The following MGAT4A variants were observed in gnomAD, a reference collection of about 807,000 sequenced individuals.
The protein encoded by MGAT4A is N-acetylglucosaminyltransferase IVa.
MGAT4A carries 33 observed loss-of-function variants against 74.1 expected under a neutral mutation model. The ratio of observed to expected loss-of-function variants is 0.45; its 90% CI spans 0.34 to 0.60. The LOEUF (loss-of-function observed/expected upper bound fraction) is 0.60. Among genes scored for constraint, MGAT4A ranks in the 20% least tolerant of loss-of-function variants. The pLI is 0.02. For missense variants in MGAT4A, 479 were observed against 628.3 expected, an observed-to-expected ratio of 0.76 and a Z score of 2.54; for synonymous variants, 198 against 210.4, an observed-to-expected ratio of 0.94 and a Z score of 0.51.
At chr2:98,643,823 T>C in intron 10 of MGAT4A, 100 bp downstream of exon 10, 1 of 1,198,770 alleles carries the variant, frequency 8.3e-7, no homozygotes, top group Non-Finnish European at 1.1e-6. Context: ...AAGTTTTATA[T>C]CACCTACCTA....
Position 98,622,223 on chromosome 2 carries a change from T to C in MGAT4A, c.*3343A>G, listed in dbSNP as rs1202692964. On this transcript the variant is annotated 3_prime_UTR_variant, in exon 16 of 16. Transcript: ENST00000393487. ...ATGAGAATGTATTAATTGTGGTTTC[T>C]AAGCTGTTCATAATTAGCACTCTGG... is the stretch of plus-strand genomic sequence containing the variant. The C allele has an allele frequency of 5.1e-6, 5 of 985,342 alleles. No individual in the cohort carries two copies. Among genetic ancestry groups the C allele is most frequent in the African/African-American group, 1.7e-5 (1 of 57,256 alleles). 61.0% of individuals were successfully genotyped at this position (985,342 alleles called of 1,614,324 possible).
rs866761195 is a variant in MGAT4A, at chr2:98,623,429, G to A, written c.*2137C>T. 12 of 985,270 alleles carry A rather than the reference G, an allele frequency of 1.2e-5. No homozygotes were observed. Among genetic ancestry groups the A allele is most frequent in the Admixed American group, 6.1e-5 (1 of 16,266 alleles). 61.0% of individuals were successfully genotyped at this position (985,270 alleles called of 1,614,324 possible). ...ACCAGGGACCCAAGAGTACTCCTAAGCCCACCTGCAGAGATTTTTACTTCT... is the reference window on the plus strand; with the variant it reads ...ACCAGGGACCCAAGAGTACTCCTAAACCCACCTGCAGAGATTTTTACTTCT... On this transcript the variant is annotated 3_prime_UTR_variant, in exon 16 of 16. Transcript: ENST00000393487.
At chr2:98,642,163 A>G (rs2104238004) in intron 10 of MGAT4A, among the ~76,000 whole-genome samples, 1 of 152,292 alleles carries the variant, frequency 6.6e-6, no homozygotes, top group Non-Finnish European at 1.5e-5. Context: ...GGAAGGAGAA[A>G]GAAAGGGAGG....
At chr2:98,707,961 G>A (rs1182119045) in intron 2 of MGAT4A, among the ~76,000 whole-genome samples, 2 of 152,118 alleles carry the variant, frequency 1.3e-5, no homozygotes, top group Non-Finnish European at 2.9e-5. Flanking sequence ...TTAGAAAATG[G>A]TTTCAAAGTA....
At chr2:98,721,911 TTAAG>T (rs1162713013) in intron 2 of MGAT4A, among the ~76,000 whole-genome samples, 8 of 152,212 alleles carry the variant, frequency 5.3e-5, no homozygotes, top group Admixed American at 1.3e-4. Context: ...AGTAATAGCA[TTAAG>T]TATGTATGCA....
chr2:98,641,078 C>T (rs890950916), intron 10 of MGAT4A, among the ~76,000 whole-genome samples: 7 of 152,156 alleles, frequency 4.6e-5, no homozygotes, highest in African/African-American at 1.7e-4. Context: ...CCAGACGTTC[C>T]ATCTCAACCT....
At chr2:98,646,866 A>G (rs1575248756) in intron 8 of MGAT4A, among the ~76,000 whole-genome samples, 1 of 152,336 alleles carries the variant, frequency 6.6e-6, no homozygotes, top group East Asian at 1.9e-4. Context: ...TTGGGCTTCT[A>G]TTGAGCCCAC....
intron 4 of MGAT4A, among the ~76,000 whole-genome samples, chr2:98,666,708 T>G (rs1192833760): frequency 4.0e-5 from 6 of 151,558 alleles, no homozygotes; most frequent in Admixed American, 2.0e-4. Context: ...AAAAAAAAAT[T>G]ACCAGCGTAA....
At chr2:98,664,026 G>C (rs1701790385) in intron 4 of MGAT4A, among the ~76,000 whole-genome samples, 1 of 151,834 alleles carries the variant, frequency 6.6e-6, no homozygotes. Flanking sequence ...GGCCAACATG[G>C]CGAAACCCGG....
chr2:98,718,495 G>A (rs1559176518), intron 2 of MGAT4A, among the ~76,000 whole-genome samples: 2 of 152,160 alleles, frequency 1.3e-5, no homozygotes, highest in Admixed American at 1.3e-4. Flanking sequence ...CAGTGAGAAA[G>A]CTGAGAGCAC....
chr2:98,716,146 C>T (rs1366106843), intron 2 of MGAT4A, among the ~76,000 whole-genome samples: 1 of 151,960 alleles, frequency 6.6e-6, no homozygotes, highest in Non-Finnish European at 1.5e-5. Context: ...CAGTGAGACC[C>T]TGTCTCTACA....
chr2:98,715,718 T>G lies in MGAT4A; in HGVS notation c.94+10521A>C, dbSNP rs1359233211. ...TAATACCTGGGTGATGAAATAATCT[T>G]TACAACAAACCCCGTAACACAAGTT... On this transcript the variant is annotated intron_variant, in intron 2 of 15. Coordinates refer to ENST00000393487, the MANE Select transcript of MGAT4A (RefSeq NM_012214.3). Among the ~76,000 whole-genome samples the G allele has an allele frequency of 3.3e-5, 5 of 152,262 alleles. No individual in the cohort carries two copies. In the South Asian group the frequency reaches 1.0e-3, roughly 32 times the overall value.
In MGAT4A at chr2:98,621,433, A is replaced by G; in HGVS notation, c.*4133T>C. 6.4e-7 allele frequency: 1 copy of G among 1,551,624 alleles called. No homozygotes were observed. Among genetic ancestry groups the G allele is most frequent in the Non-Finnish European group, 8.7e-7 (1 of 1,146,940 alleles). ...CTTCTCATGCAGCCCCCTCTACCTT[A>G]AAACAGCAATGGTGCCTGAGGTCCT... On this transcript the variant is annotated 3_prime_UTR_variant, in exon 16 of 16. Transcript: ENST00000393487.
At chr2:98,681,261 G>T (rs186994010) in intron 2 of MGAT4A, among the ~76,000 whole-genome samples, 2 of 152,140 alleles carry the variant, frequency 1.3e-5, no homozygotes, top group African/African-American at 4.8e-5. Context: ...GATTACAGAC[G>T]TGAGCCACCG....
chr2:98,653,574 A>G (rs112112884), intron 8 of MGAT4A, among the ~76,000 whole-genome samples: 1,621 of 152,286 alleles, frequency 0.011, 32 homozygotes, highest in Non-Finnish European at 0.013. Context: ...TGGATAATCT[A>G]CAAGAAATGG....
intron 12 of MGAT4A, 83 bp from the exon 13 acceptor site, chr2:98,636,678 A>G: frequency 8.3e-7 from 1 of 1,198,080 alleles, no homozygotes; most frequent in South Asian, 1.3e-5. Context: ...CCTCAGAGTC[A>G]GCTTTTCTAC....
chr2:98,678,182 A>AT (rs1211332613), intron 3 of MGAT4A, 122 bp downstream of exon 3: 1 of 196,122 alleles, frequency 5.1e-6, no homozygotes, highest in East Asian at 1.5e-4. Context: ...GTGAGCCAAG[A>AT]TTGCGCCACT....
At chr2:98,719,182 A>C (rs1702631932) in intron 2 of MGAT4A, among the ~76,000 whole-genome samples, 2 of 152,194 alleles carry the variant, frequency 1.3e-5, no homozygotes, top group African/African-American at 4.8e-5. Context: ...GGTCAGAAAA[A>C]TATCGGACAC....
intron 1 of MGAT4A, among the ~76,000 whole-genome samples, chr2:98,730,529 G>T (rs367757867): frequency 1.1e-4 from 17 of 152,214 alleles, no homozygotes; most frequent in Non-Finnish European, 1.9e-4. Flanking sequence ...CCTGCGCCTC[G>T]GACCGTCCGG....
Sources: gnomAD v4.1 joint callset for allele counts (sites outside exome capture counted in the v4.1 genomes callset) on GRCh38, gnomAD v4.1.1 for gene constraint, MANE v1.5 for transcripts, NCBI Gene and HGNC (gene_info 2026-07-23, HGNC 2026-07-21) for gene names.